Variants in CT45A10 observed in about 807,000 individuals in gnomAD.
CT45A10 encodes the protein cancer/testis antigen family 45 member A10.
A neutral mutation model predicts 8.3 loss-of-function variants in CT45A10; 19 were observed. That is an observed-to-expected ratio of 2.30 (90% CI 1.61 to 3.38). The LOEUF (loss-of-function observed/expected upper bound fraction) is 3.38. Ranked by LOEUF, CT45A10 falls within the 30% of genes most tolerant of loss-of-function variation. CT45A10 has a pLI of 0.00. For missense variants in CT45A10, 149 were observed against 85.9 expected (o/e 1.73, Z -2.90); for synonymous variants, 28 against 26.5 (o/e 1.06, Z -0.17).
intron 3 of CT45A10, among the ~76,000 whole-genome samples, 177 bp from the exon 4 acceptor site, chrX:135,882,806 A>G: frequency 9.9e-6 from 1 of 101,382 alleles, no homozygotes; most frequent in Non-Finnish European, 2.0e-5. Flanking sequence ...TACGAATGTA[A>G]CTCCTTTAAC....
intron 1 of CT45A10, among the ~76,000 whole-genome samples, chrX:135,889,486 A>T (rs2088477437): frequency 9.1e-6 from 1 of 110,229 alleles, no homozygotes; most frequent in South Asian, 3.8e-4. Flanking sequence ...TCAAAAAAAA[A>T]AAAAAGAAAG....
At chrX:135,889,976 G>T (rs74483387) in intron 1 of CT45A10, among the ~76,000 whole-genome samples, 1 of 111,845 alleles carries the variant, frequency 8.9e-6, no homozygotes. Flanking sequence ...ATGAAAAAAA[G>T]CATTGTAAAA....
chrX:135,889,574 G>T (rs1384417687), intron 1 of CT45A10, among the ~76,000 whole-genome samples: 3 of 111,335 alleles, frequency 2.7e-5, no homozygotes, highest in African/African-American at 6.5e-5. Context: ...ACCCCGACCG[G>T]GCGCAGTGGC....
intron 1 of CT45A10, among the ~76,000 whole-genome samples, chrX:135,890,417 A>G (rs1469573999): frequency 5.3e-5 from 6 of 112,451 alleles, no homozygotes; most frequent in Non-Finnish European, 1.1e-4. Context: ...CGGAGGATCA[A>G]CGCAGTGGCT....
intron 1 of CT45A10, among the ~76,000 whole-genome samples, chrX:135,889,825 A>T (rs1176590305): frequency 8.1e-5 from 5 of 61,659 alleles, no homozygotes; most frequent in East Asian, 1.1e-3. Context: ...GAAAGCAAAA[A>T]GTTGGAAAAA....
At chrX:135,882,669 T>C (rs2088393398) in intron 3 of CT45A10, 40 bp from the exon 4 acceptor site, 2 of 1,132,713 alleles carry the variant, frequency 1.8e-6, no homozygotes, top group Middle Eastern at 3.4e-4. Context: ...TTATCAAATA[T>C]AAAGAAGAAT....
rs1225478580 is a variant in CT45A10 at position 135,882,941 on chromosome X, A to G, written c.418+67T>C. Reference sequence around the variant, plus strand: ...ATGAGCCTCAAGAGGTAACATGGATATCTTCTGAATCATAGAAAGAGTGAC... The same window carrying G: ...ATGAGCCTCAAGAGGTAACATGGATGTCTTCTGAATCATAGAAAGAGTGAC... On this transcript the variant is annotated intron_variant, in intron 3 of 4. Transcript: ENST00000682849. 3.5e-6 allele frequency: 4 copies of G among 1,138,583 alleles called. No homozygotes were observed. The African/African-American group carries it at 5.5e-5, about 16-fold the overall frequency. 93.8% of individuals were successfully genotyped at this position (1,138,583 alleles called of 1,213,427 possible). A position where few individuals can be genotyped will look rare whatever the true frequency, so the allele number is the denominator to read the frequency against.
Position 135,882,650 on chromosome X carries a change from A to C in CT45A10, c.419-21T>G, listed in dbSNP as rs2088393022. On this transcript the variant is annotated intron_variant, in intron 3 of 4. Transcript: ENST00000682849. ...ATATTCTGAAGATGTTGAAAAAAAA[A>C]CTTCAGTATTATCAAATATAAAGAA... 4.3e-6 allele frequency: 5 copies of C among 1,161,347 alleles called. 1 individual carries two copies. Among genetic ancestry groups the C allele is most frequent in the South Asian group, 1.8e-5 (1 of 54,975 alleles).
intron 1 of CT45A10, among the ~76,000 whole-genome samples, chrX:135,889,880 AC>A (rs2088483832): frequency 9.1e-6 from 1 of 110,328 alleles, no homozygotes; most frequent in Non-Finnish European, 1.9e-5. Context: ...TGGCACCACC[AC>A]CCGGCCCTAG....
chrX:135,889,615 C>T (rs2088479794), intron 1 of CT45A10, among the ~76,000 whole-genome samples: 1 of 111,358 alleles, frequency 9.0e-6, no homozygotes, highest in Non-Finnish European at 1.9e-5. Flanking sequence ...CCTTGGGAGG[C>T]CGAAGTGTCT....
Position 135,883,026 on chromosome X carries a change from T to A in CT45A10, c.400A>T (p.Ile134Phe). 8.3e-7 allele frequency: 1 copy of A among 1,198,545 alleles called. No homozygotes were observed. Among genetic ancestry groups the A allele is most frequent in the Non-Finnish European group, 1.1e-6 (1 of 885,615 alleles). ...TACTTACTTCGTCCAAGGCATCGGA[T>A]TTCCTTCACTACTTGACATTTTATA... The part of the protein sequence containing the change: ...ADIKCQVVKE[I>F]RCLGRKYEKI... The change falls in exon 3 of 5, where the codon ATC (isoleucine) becomes TTC (phenylalanine). Residue 134 changes from isoleucine to phenylalanine, a missense_variant. By Grantham distance (21) the Ile-to-Phe change is conservative (BLOSUM62 0). Coordinates refer to ENST00000682849, the MANE Select transcript of CT45A10 (RefSeq NM_001291529.2).
chrX:135,882,964 G>T lies in CT45A10; in HGVS notation c.418+44C>A, dbSNP rs1403052160. The T allele has an allele frequency of 2.2e-5, 26 of 1,176,624 alleles. 1 individual carries two copies. Among genetic ancestry groups the T allele is most frequent in the African/African-American group, 3.6e-5 (2 of 56,018 alleles). On this transcript the variant is annotated intron_variant, in intron 3 of 4. Transcript: ENST00000682849. Reference sequence around the variant, plus strand: ...ATATCTTCTGAATCATAGAAAGAGTGACTTCCTACAGTTTTATAAAACAGA... The same window carrying T: ...ATATCTTCTGAATCATAGAAAGAGTTACTTCCTACAGTTTTATAAAACAGA...
At chrX:135,890,961 G>A (rs189825959) in intron 1 of CT45A10, among the ~76,000 whole-genome samples, 6 of 111,798 alleles carry the variant, frequency 5.4e-5, no homozygotes, top group Non-Finnish European at 7.5e-5. Context: ...AAGGGCAGAG[G>A]ACACAGAGGC....
chrX:135,890,137 G>C (rs1365583612), intron 1 of CT45A10, among the ~76,000 whole-genome samples: 1 of 112,403 alleles, frequency 8.9e-6, no homozygotes, highest in East Asian at 2.8e-4. Flanking sequence ...CTCTTATGAT[G>C]CAAGTTGGCT....
intron 1 of CT45A10, among the ~76,000 whole-genome samples, chrX:135,889,835 A>G (rs1467359925): frequency 1.1e-4 from 8 of 74,211 alleles, no homozygotes; most frequent in African/African-American, 3.3e-4. Flanking sequence ...AGTTGGAAAA[A>G]AAAAAAAAAA....
At chrX:135,883,406 T>C (rs2088411512) in intron 2 of CT45A10, 150 bp from the exon 3 acceptor site, 3 of 964,183 alleles carry the variant, frequency 3.1e-6, no homozygotes, top group South Asian at 4.6e-5. Flanking sequence ...TCTGGGTACA[T>C]CTATGTGCTC....
chrX:135,882,910 C>A lies in CT45A10; in HGVS notation c.418+98G>T, dbSNP rs1222175141. ...AAATTATGTGCAGTCTCAACTCTGG[C>A]AAAGAATGAGCCTCAAGAGGTAACA... On this transcript the variant is annotated intron_variant, in intron 3 of 4. Coordinates refer to ENST00000682849, the MANE Select transcript of CT45A10 (RefSeq NM_001291529.2). 3.9e-6 allele frequency: 4 copies of A among 1,036,775 alleles called. No homozygotes were observed. The South Asian group carries it at 6.7e-5, about 17-fold the overall frequency. The allele number at this position is 1,036,775 out of a possible 1,213,427, so 85.4% of individuals were successfully genotyped here. A position where few individuals can be genotyped will look rare whatever the true frequency, so the allele number is the denominator to read the frequency against.
At chrX:135,882,359 G>A (rs2088386302) in intron 4 of CT45A10, among the ~76,000 whole-genome samples, 177 bp downstream of exon 4, 1 of 40,954 alleles carries the variant, frequency 2.4e-5, no homozygotes, top group African/African-American at 1.0e-4. Flanking sequence ...CATAGTCTTC[G>A]AAGAATGAGT....
At position 135,883,064 on chromosome X, in the gene CT45A10, T is replaced by C; in HGVS notation, c.362A>G (p.Glu121Gly). Residue 121 changes from glutamate to glycine, a missense_variant, in exon 3 of 5, where the codon GAA (glutamate) becomes GGA (glycine). Coordinates refer to ENST00000682849, the MANE Select transcript of CT45A10 (RefSeq NM_001291529.2). ...TTGACATTTTATATCAGCATTAATT[T>C]CTTGTTGGCTTTTGGGAGAGGAGGC... ...GIASSPKSQQ[E>G]INADIKCQVV... 1 of 1,198,817 alleles carries C rather than the reference T, an allele frequency of 8.3e-7. No individual in the cohort carries two copies. Among genetic ancestry groups the C allele is most frequent in the Non-Finnish European group, 1.1e-6 (1 of 885,760 alleles).
Sources: gnomAD v4.1 joint callset for allele counts (sites outside exome capture counted in the v4.1 genomes callset) on GRCh38, gnomAD v4.1.1 for gene constraint, MANE v1.5 for transcripts, NCBI Gene and HGNC (gene_info 2026-07-23, HGNC 2026-07-21) for gene names.